Variants in NRP2 observed in about 807,000 individuals in gnomAD.
The protein encoded by NRP2 is neuropilin-2.
A neutral mutation model predicts 110.4 loss-of-function variants in NRP2; 52 were observed. The observed-to-expected ratio is 0.47, with a 90% CI of 0.38 to 0.59. NRP2 has a LOEUF of 0.59. NRP2 is among the 20% of genes least tolerant of loss of function. The probability of loss-of-function intolerance (pLI) is 0.00; values close to 1 mark genes in which losing one functional copy is unlikely to be tolerated. For synonymous variants in NRP2, 508 were observed against 468.9 expected (o/e 1.08, Z -1.08); for missense variants, 1,049 against 1,203.0 (o/e 0.87, Z 1.89).
At chr2:205,750,561 TG>T in intron 11 of NRP2, among the ~76,000 whole-genome samples, 1 of 152,322 alleles carries the variant, frequency 6.6e-6, no homozygotes, top group East Asian at 1.9e-4. Context: ...AAACAATAAT[TG>T]GCAGAATCCA....
rs1472319639 is a variant in NRP2, at chr2:205,707,786, C to T, written c.252-8407C>T. On this transcript the variant is annotated intron_variant, in intron 2 of 16. Transcript: ENST00000357785. ...CCTCACAATTGGATCCCCTGGGAGC[C>T]AGAATTAGTGTGAACACCTATTCCG... Among the ~76,000 whole-genome samples the T allele has an allele frequency of 2.6e-5, 4 of 152,132 alleles. No individual in the cohort carries two copies. The East Asian group carries it at 7.7e-4, about 29-fold the overall frequency.
intron 7 of NRP2, among the ~76,000 whole-genome samples, chr2:205,736,066 G>A (rs1460000866): frequency 6.6e-6 from 1 of 152,194 alleles, no homozygotes; most frequent in Non-Finnish European, 1.5e-5. Context: ...AGTGGGCCAG[G>A]CATGGTGGCT....
chr2:205,705,183 G>GAAAA (rs5837991), intron 2 of NRP2, among the ~76,000 whole-genome samples: 4 of 144,170 alleles, frequency 2.8e-5, no homozygotes, highest in African/African-American at 7.6e-5. Context: ...AATAATTCCA[G>GAAAA]AAAAAAAAAA....
rs1054122361 is a variant in NRP2 at position 205,686,879 on chromosome 2, C to G, written c.73+3516C>G. Among the ~76,000 whole-genome samples the G allele has an allele frequency of 3.3e-5, 5 of 152,210 alleles. No individual in the cohort carries two copies. The highest frequency in any genetic ancestry group is 7.3e-5 in the Non-Finnish European group (5 of 68,042). ...AGAGCCCCCTGGCGCTAGCCATTCC[C>G]GATCAGCGCCCACTACGAACGTCCC... On this transcript the variant is annotated intron_variant, in intron 1 of 16. Coordinates refer to ENST00000357785, the MANE Select transcript of NRP2 (RefSeq NM_003872.3). The surrounding 1 kb of genome is among the most constrained non-coding windows in gnomAD (Gnocchi z 4.7).
At chr2:205,713,445 A>G (rs1294973454) in intron 2 of NRP2, among the ~76,000 whole-genome samples, 2 of 152,208 alleles carry the variant, frequency 1.3e-5, no homozygotes, top group Non-Finnish European at 2.9e-5. Context: ...TTCCTTCTAC[A>G]TCTGCTAAAT....
intron 8 of NRP2, 57 bp downstream of exon 8, chr2:205,740,720 C>A: frequency 6.3e-7 from 1 of 1,598,078 alleles, no homozygotes; most frequent in African/African-American, 1.3e-5. Context: ...GCTCTGCTCC[C>A]TTTCAACTCT....
At position 205,683,250 on chromosome 2, in the gene NRP2, A is replaced by C; in HGVS notation, c.-41A>C. 7.0e-7 allele frequency: 1 copy of C among 1,423,470 alleles called. No individual in the cohort carries two copies. Among genetic ancestry groups the C allele is most frequent in the South Asian group, 1.2e-5 (1 of 86,164 alleles). The allele number at this position is 1,423,470 out of a possible 1,614,324, so 88.2% of individuals were successfully genotyped here. On this transcript the variant is annotated 5_prime_UTR_variant, in exon 1 of 17. Coordinates refer to ENST00000357785, the MANE Select transcript of NRP2 (RefSeq NM_003872.3). ...GAAAAACACAAAGATTTAAACAAGA[A>C]ACCTACGAACCCAGCTCTGGAAAGA...
intron 1 of NRP2, 77 bp downstream of exon 1, chr2:205,683,440 C>T: frequency 2.0e-6 from 2 of 1,016,116 alleles, no homozygotes; most frequent in South Asian, 1.3e-5. Flanking sequence ...AGGAAGGCCA[C>T]GCAGAACGGC....
chr2:205,757,019 G>A (rs1475550853), intron 12 of NRP2, among the ~76,000 whole-genome samples: 1 of 152,174 alleles, frequency 6.6e-6, no homozygotes, highest in East Asian at 1.9e-4. Flanking sequence ...AGGGTACTAG[G>A]CCAGGTCAGC....
chr2:205,729,347 G>C (rs183917358), intron 7 of NRP2, among the ~76,000 whole-genome samples: 457 of 152,334 alleles, frequency 3.0e-3, no homozygotes, highest in African/African-American at 9.9e-3. Flanking sequence ...CTTAGCAATT[G>C]AAAGATGTGC....
chr2:205,734,404 C>CG (rs1461164474), intron 7 of NRP2, among the ~76,000 whole-genome samples: 1 of 116,064 alleles, frequency 8.6e-6, no homozygotes, highest in Non-Finnish European at 2.1e-5. Context: ...CCACCGCCCC[C>CG]CCCCACCCCG....
intron 2 of NRP2, among the ~76,000 whole-genome samples, chr2:205,707,682 G>T (rs139609381): frequency 0.022 from 3,315 of 152,312 alleles, 60 homozygotes; most frequent in Non-Finnish European, 0.033. Context: ...TGTTGCTGTG[G>T]TGGATTCCCT....
intron 15 of NRP2, chr2:205,776,516 C>G (rs139470132): frequency 6.8e-7 from 1 of 1,467,242 alleles, no homozygotes; most frequent in East Asian, 2.2e-5. Flanking sequence ...GACCGTGGCT[C>G]GCACTGCTGA....
At chr2:205,788,003 A>G (rs912031421) in intron 15 of NRP2, among the ~76,000 whole-genome samples, 2 of 152,116 alleles carry the variant, frequency 1.3e-5, no homozygotes, top group African/African-American at 4.8e-5. Context: ...GTTGCAATGT[A>G]TTGACAAGCA....
At chr2:205,687,028 C>T (rs2056185049) in intron 1 of NRP2, among the ~76,000 whole-genome samples, 1 of 152,176 alleles carries the variant, frequency 6.6e-6, no homozygotes, top group Non-Finnish European at 1.5e-5. Context: ...ACCTCCGGGA[C>T]ACATCGCTTG....
chr2:205,777,123 G>T (rs2058112720), intron 15 of NRP2: 1 of 986,908 alleles, frequency 1.0e-6, no homozygotes, highest in Non-Finnish European at 1.2e-6. Context: ...TGTTTACTTG[G>T]AGAAGAGATT....
intron 15 of NRP2, chr2:205,779,159 GTGAATGAGT>G (rs1210410102): frequency 6.6e-6 from 1 of 152,216 alleles, no homozygotes; most frequent in Non-Finnish European, 1.5e-5. Context: ...GAATGAATGA[GTGAATGAGT>G]TGAAGGCCTA....
chr2:205,792,315 C>A (rs370766732), intron 16 of NRP2, 30 bp downstream of exon 16: 8 of 1,571,070 alleles, frequency 5.1e-6, no homozygotes, highest in Admixed American at 1.7e-5. Flanking sequence ...AGCAGGTAAT[C>A]GTAAAATTCA....
intron 3 of NRP2, among the ~76,000 whole-genome samples, chr2:205,719,368 A>G (rs527452476): frequency 2.0e-5 from 3 of 152,288 alleles, no homozygotes; most frequent in South Asian, 2.1e-4. Flanking sequence ...AGTGGTGTAT[A>G]AAAGATTCTA....
Sources: allele counts gnomAD v4.1 joint callset (sites outside exome capture counted in the v4.1 genomes callset), GRCh38; gene constraint gnomAD v4.1.1; non-coding constraint Gnocchi (gnomAD v3.1); transcripts MANE v1.5; gene names NCBI Gene and HGNC (gene_info 2026-07-23, HGNC 2026-07-21).